Variants in FGF14 observed in about 807,000 individuals in gnomAD.
FGF14 encodes fibroblast growth factor homologous factor 4.
FGF14 carries 5 observed loss-of-function variants against 25.5 expected under a neutral mutation model. That is an observed-to-expected ratio of 0.20 (90% CI 0.10 to 0.41). FGF14 has a LOEUF of 0.41. Among genes scored for constraint, FGF14 ranks in the 10% least tolerant of loss-of-function variants. The probability of loss-of-function intolerance (pLI) is 1.00; values close to 1 mark genes in which losing one functional copy is unlikely to be tolerated. For missense variants in FGF14, 222 were observed against 320.1 expected (o/e 0.69, Z 2.34); for synonymous variants, 138 against 118.3 (o/e 1.17, Z -1.08).
At chr13:101,733,920 TG>T (rs1377355537) in intron 3 of FGF14, among the ~76,000 whole-genome samples, 2 of 151,678 alleles carry the variant, frequency 1.3e-5, no homozygotes, top group Non-Finnish European at 2.9e-5. Context: ...TCAAATAATT[TG>T]ATTTGAATTT....
chr13:102,050,238 C>T (rs2042160520), intron 1 of FGF14, among the ~76,000 whole-genome samples: 1 of 152,138 alleles, frequency 6.6e-6, no homozygotes, highest in East Asian at 1.9e-4. Context: ...TATCAGGACA[C>T]AGTATAGAAA....
chr13:102,042,705 A>C, intron 1 of FGF14, among the ~76,000 whole-genome samples: 1 of 152,232 alleles, frequency 6.6e-6, no homozygotes, highest in East Asian at 1.9e-4. Context: ...TAATCTCTCT[A>C]ATATTAGTGA....
intron 1 of FGF14, among the ~76,000 whole-genome samples, chr13:102,247,190 T>G (rs572779411): frequency 6.6e-6 from 1 of 151,992 alleles, no homozygotes; most frequent in African/African-American, 2.4e-5. Context: ...GATTTCATGA[T>G]GAAGATGCCA....
At position 101,968,854 on chromosome 13, in the gene FGF14, CT is replaced by C. The variant is rs10623595; in HGVS notation, c.209-93559del. On this transcript the variant is annotated intron_variant, in intron 1 of 4. Coordinates refer to the FGF14 transcript ENST00000376131. Reference sequence around the variant, plus strand: ...TGTAATCATGCATTCCATCAACAGCCTTTTTTTTTTTTTTTTTTAAATCTGG... The same window carrying C: ...TGTAATCATGCATTCCATCAACAGCCTTTTTTTTTTTTTTTTTAAATCTGG... 6.2e-3 allele frequency among the ~76,000 whole-genome samples: 823 copies of C among 132,076 alleles called. 3 individuals are homozygous for C. Among genetic ancestry groups the C allele is most frequent in the African/African-American group, 0.018 (625 of 35,354 alleles). 86.6% of individuals were successfully genotyped at this position (132,076 alleles called of 152,430 possible). A position where few individuals can be genotyped will look rare whatever the true frequency, so the allele number is the denominator to read the frequency against.
intron 3 of FGF14, among the ~76,000 whole-genome samples, chr13:101,798,723 C>G (rs2040701398): frequency 6.6e-6 from 1 of 151,978 alleles, no homozygotes. Context: ...GTTGCATTTG[C>G]CTGTGTCTAA....
chr13:102,241,355 G>A (rs2051589695), intron 1 of FGF14, among the ~76,000 whole-genome samples: 1 of 152,074 alleles, frequency 6.6e-6, no homozygotes, highest in Non-Finnish European at 1.5e-5. Flanking sequence ...AACAAGAAAT[G>A]GTAAGGGTCA....
intron 1 of FGF14, among the ~76,000 whole-genome samples, chr13:102,137,431 A>G (rs950051334): frequency 5.3e-5 from 8 of 152,226 alleles, no homozygotes; most frequent in Admixed American, 2.6e-4. Flanking sequence ...TTCCATAATA[A>G]AATATATGCA....
intron 1 of FGF14, among the ~76,000 whole-genome samples, chr13:102,226,917 T>G (rs1226319908): frequency 6.6e-6 from 1 of 152,098 alleles, no homozygotes; most frequent in Non-Finnish European, 1.5e-5. Flanking sequence ...CTACAGAAAA[T>G]GGTTAATGGT....
At chr13:102,320,109 A>G (rs2056188019) in intron 1 of FGF14, among the ~76,000 whole-genome samples, 1 of 152,144 alleles carries the variant, frequency 6.6e-6, no homozygotes, top group South Asian at 2.1e-4. Flanking sequence ...CAGCAGTTGT[A>G]GGGGACTGCA....
intron 3 of FGF14, among the ~76,000 whole-genome samples, chr13:101,808,640 A>G (rs1363042784): frequency 6.6e-6 from 1 of 152,242 alleles, no homozygotes; most frequent in East Asian, 1.9e-4. Flanking sequence ...CTCTTGTTGG[A>G]TAGCCATGAT....
At chr13:102,333,697 C>A (rs2056703601) in intron 1 of FGF14, among the ~76,000 whole-genome samples, 1 of 152,184 alleles carries the variant, frequency 6.6e-6, no homozygotes, top group Admixed American at 6.6e-5. Flanking sequence ...CGTAAAGTGT[C>A]TAGGAGTGAA....
intron 1 of FGF14, among the ~76,000 whole-genome samples, chr13:102,007,492 G>A (rs887797484): frequency 1.3e-5 from 2 of 152,170 alleles, no homozygotes; most frequent in African/African-American, 4.8e-5. Flanking sequence ...CAATGAGCAC[G>A]TCTCTAGACT....
chr13:102,069,368 G>A (rs936584175), intron 1 of FGF14, among the ~76,000 whole-genome samples: 1 of 152,184 alleles, frequency 6.6e-6, no homozygotes, highest in Non-Finnish European at 1.5e-5. Context: ...CAATCAGCAG[G>A]ATGTGGGTGG....
chr13:102,151,919 T>C (rs972822890), intron 1 of FGF14, among the ~76,000 whole-genome samples: 6 of 152,216 alleles, frequency 3.9e-5, no homozygotes, highest in Non-Finnish European at 7.3e-5. Flanking sequence ...ATTTCATAAA[T>C]GTTAGCTCAA....
intron 1 of FGF14, among the ~76,000 whole-genome samples, chr13:102,139,418 A>G (rs1055025810): frequency 1.3e-5 from 2 of 152,132 alleles, no homozygotes; most frequent in Non-Finnish European, 2.9e-5. Context: ...AAAAAAAAAT[A>G]GAGAAATGGA....
chr13:102,239,251 T>G (rs531051933), intron 1 of FGF14, among the ~76,000 whole-genome samples: 60 of 152,314 alleles, frequency 3.9e-4, no homozygotes, highest in Admixed American at 5.9e-4. Flanking sequence ...CTGGTTTTTT[T>G]GGGGTTTATA....
At chr13:102,187,327 A>C (rs1177891843) in intron 1 of FGF14, among the ~76,000 whole-genome samples, 1 of 152,192 alleles carries the variant, frequency 6.6e-6, no homozygotes, top group East Asian at 1.9e-4. Context: ...GCACAGGGAA[A>C]ATGTTCATAT....
chr13:102,099,492 T>C (rs2140278852), intron 1 of FGF14, among the ~76,000 whole-genome samples: 1 of 152,218 alleles, frequency 6.6e-6, no homozygotes, highest in South Asian at 2.1e-4. Flanking sequence ...TAAGCATCCA[T>C]TATTGAGCAG....
intron 1 of FGF14, among the ~76,000 whole-genome samples, chr13:102,333,130 T>C (rs1017216334): frequency 6.6e-6 from 1 of 152,172 alleles, no homozygotes; most frequent in African/African-American, 2.4e-5. Flanking sequence ...ATATCCAACA[T>C]GCCACCCACG....
Sources: allele counts gnomAD v4.1 joint callset (sites outside exome capture counted in the v4.1 genomes callset), GRCh38; gene constraint gnomAD v4.1.1; transcripts MANE v1.5; gene names NCBI Gene and HGNC (gene_info 2026-07-23, HGNC 2026-07-21).